DMD: variants seen among roughly 807,000 people sequenced by gnomAD.
DMD encodes mutant dystrophin.
A neutral mutation model predicts 330.1 loss-of-function variants in DMD; 63 were observed. The observed-to-expected ratio is 0.19, with a 90% CI of 0.16 to 0.24. The LOEUF is 0.24. DMD is among the 10% of genes least tolerant of loss of function. The pLI, the probability that DMD is intolerant of heterozygous loss-of-function variation, is 1.00. For synonymous variants in DMD, 1,223 were observed against 959.8 expected (o/e 1.27, Z -5.07); for missense variants, 3,344 against 2,684.1 (o/e 1.25, Z -5.43).
chrX:31,257,818 G>C (rs1209597162), intron 63 of DMD, among the ~76,000 whole-genome samples: 2 of 111,891 alleles, frequency 1.8e-5, no homozygotes, highest in African/African-American at 6.5e-5. Flanking sequence ...GGTGGCGGGT[G>C]CCTAGTAATC....
chrX:31,898,463 C>T (rs954738930), intron 47 of DMD, among the ~76,000 whole-genome samples: 2 of 110,491 alleles, frequency 1.8e-5, no homozygotes, highest in African/African-American at 6.6e-5. Context: ...GAAGTAACGC[C>T]GCATATCTAC....
At chrX:32,503,456 G>A (rs189859602) in intron 18 of DMD, among the ~76,000 whole-genome samples, 1 of 112,324 alleles carries the variant, frequency 8.9e-6, no homozygotes, top group Non-Finnish European at 1.9e-5. Context: ...TATTTACTAA[G>A]CACATTAAAT....
intron 16 of DMD, among the ~76,000 whole-genome samples, chrX:32,549,909 C>T (rs750129285): frequency 2.7e-5 from 3 of 112,230 alleles, no homozygotes; most frequent in Admixed American, 9.5e-5. Flanking sequence ...AAAGGACATA[C>T]AATAAAATAA....
intron 55 of DMD, among the ~76,000 whole-genome samples, chrX:31,545,497 CTCA>C (rs2074093923): frequency 8.9e-6 from 1 of 112,440 alleles, no homozygotes; most frequent in Non-Finnish European, 1.9e-5. Flanking sequence ...ATACACTTTT[CTCA>C]TCATAATTTT....
At chrX:31,433,850 T>G (rs1346847865) in intron 60 of DMD, among the ~76,000 whole-genome samples, 2 of 99,978 alleles carry the variant, frequency 2.0e-5, no homozygotes, top group Non-Finnish European at 3.9e-5. Context: ...TCTTCAGAAA[T>G]TATAGTTTTT....
rs145499650 is a variant in DMD at position 32,850,401 on chromosome X, C to T, written c.94-581G>A. Among the ~76,000 whole-genome samples the T allele has an allele frequency of 9.4e-3, 1,053 of 111,774 alleles. 13 individuals are homozygous for T. Among genetic ancestry groups the T allele is most frequent in the African/African-American group, 0.032 (990 of 30,771 alleles). ...TTCATCTATTTTACTCAGTTCTTTG[C>T]TCAGGAATTATACTAAGGAAAAATA... is the stretch of plus-strand genomic sequence containing the variant. On this transcript the variant is annotated intron_variant, in intron 2 of 78. Transcript: ENST00000357033.
intron 48 of DMD, among the ~76,000 whole-genome samples, chrX:31,874,464 T>G (rs2093938403): frequency 1.8e-5 from 2 of 111,687 alleles, no homozygotes; most frequent in South Asian, 7.5e-4. Flanking sequence ...TCTATGAATA[T>G]GTATTAAGCA....
chrX:31,309,858 A>G (rs1471672110), intron 62 of DMD, among the ~76,000 whole-genome samples: 1 of 112,115 alleles, frequency 8.9e-6, no homozygotes. Flanking sequence ...AATTACAAAA[A>G]TAGAAAAACG....
chrX:32,765,878 T>G (rs887878080), intron 7 of DMD, among the ~76,000 whole-genome samples: 1 of 112,048 alleles, frequency 8.9e-6, no homozygotes, highest in African/African-American at 3.2e-5. Flanking sequence ...TTTGACTTAA[T>G]TTTTGTGTAT....
chrX:31,202,409 A>G (rs1284752900), intron 67 of DMD, among the ~76,000 whole-genome samples: 2 of 111,914 alleles, frequency 1.8e-5, no homozygotes, highest in Admixed American at 9.5e-5. Flanking sequence ...GGAGGAAAAG[A>G]TATTTATTTC....
intron 44 of DMD, chrX:32,155,561 T>C (rs756340564): frequency 5.9e-6 from 2 of 339,397 alleles, no homozygotes; most frequent in African/African-American, 5.7e-5. Context: ...GAAACTCTGC[T>C]GGATCATGGA....
At chrX:31,755,649 C>T (rs2062655461) in intron 51 of DMD, among the ~76,000 whole-genome samples, 1 of 111,893 alleles carries the variant, frequency 8.9e-6, no homozygotes, top group African/African-American at 3.2e-5. Context: ...AAATAACCTC[C>T]ACTATAAGGA....
intron 42 of DMD, among the ~76,000 whole-genome samples, chrX:32,288,839 CA>C (rs1041079760): frequency 1.8e-5 from 2 of 111,520 alleles, no homozygotes; most frequent in African/African-American, 6.5e-5. Flanking sequence ...TTAGTCTCGT[CA>C]GCTGTTTTTG....
At chrX:31,495,217 T>C (rs926429878) in intron 57 of DMD, among the ~76,000 whole-genome samples, 1 of 109,122 alleles carries the variant, frequency 9.2e-6, no homozygotes, top group African/African-American at 3.3e-5. Context: ...ATTTCCTATA[T>C]CCTCTTCTCC....
rs1360643253 is a variant in DMD, at chrX:33,002,870, A to G, written c.93+17269T>C. On this transcript the variant is annotated intron_variant, in intron 2 of 78. Transcript: ENST00000357033. Reference sequence around the variant, plus strand: ...TTCTCGAAAAAAAAAAAAAAAAAAAAAAAAAGAAGAAGAAAAAAGAAAAAA... The same window carrying G: ...TTCTCGAAAAAAAAAAAAAAAAAAAGAAAAAGAAGAAGAAAAAAGAAAAAA... 4.7e-3 allele frequency among the ~76,000 whole-genome samples: 500 copies of G among 106,248 alleles called. 4 individuals are homozygous for G. The highest frequency in any genetic ancestry group is 0.016 in the African/African-American group (465 of 29,230). 92.3% of individuals were successfully genotyped at this position (106,248 alleles called of 115,157 possible). A position where few individuals can be genotyped will look rare whatever the true frequency, so the allele number is the denominator to read the frequency against.
At chrX:32,889,349 G>A (rs758232677) in intron 2 of DMD, among the ~76,000 whole-genome samples, 5 of 110,912 alleles carry the variant, frequency 4.5e-5, no homozygotes, top group South Asian at 7.7e-4. Context: ...TTTCTTGACC[G>A]TACAGAGATA....
In DMD at chrX:31,705,968, T is replaced by C. The variant is rs143957858; in HGVS notation, c.7660+23663A>G. ...AATAAGACATTCAGGAAAGGTTATA[T>C]TATTCTTACTTTCAAGGCAGAAGCT... On this transcript the variant is annotated intron_variant, in intron 52 of 78. Coordinates refer to ENST00000357033, the MANE Select transcript of DMD (RefSeq NM_004006.3). 6.5e-3 allele frequency among the ~76,000 whole-genome samples: 728 copies of C among 111,260 alleles called. 3 individuals are homozygous for C. The highest frequency in any genetic ancestry group is 0.023 in the African/African-American group (692 of 30,627).
intron 44 of DMD, among the ~76,000 whole-genome samples, chrX:31,998,752 A>G (rs1370763133): frequency 1.8e-5 from 2 of 112,241 alleles, no homozygotes; most frequent in African/African-American, 6.5e-5. Context: ...TAGATAAAAT[A>G]GTTCCAACTT....
At chrX:32,320,437 C>T (rs5972528) in intron 41 of DMD, among the ~76,000 whole-genome samples, 5,834 of 111,444 alleles carry the variant, frequency 0.052, 374 homozygotes, top group African/African-American at 0.18. Context: ...CAATTAAAAA[C>T]TTAGTACATC....
Sources: allele counts gnomAD v4.1 joint callset (sites outside exome capture counted in the v4.1 genomes callset), GRCh38; gene constraint gnomAD v4.1.1; transcripts MANE v1.5; gene names NCBI Gene and HGNC (gene_info 2026-07-23, HGNC 2026-07-21).